RBM19: variants seen among roughly 807,000 people sequenced by gnomAD.
RBM19 encodes RNA binding motif protein 19, also known as probable RNA-binding protein 19.
A neutral mutation model predicts 116.8 loss-of-function variants in RBM19; 94 were observed. That is an observed-to-expected ratio of 0.80 (90% confidence interval 0.68 to 0.95). The LOEUF (loss-of-function observed/expected upper bound fraction) is 0.95. Ranked by LOEUF, RBM19 falls within the 40% of genes least tolerant of loss-of-function variation. The probability of loss-of-function intolerance (pLI) is 0.00; values close to 1 mark genes in which losing one functional copy is unlikely to be tolerated. For missense variants in RBM19, 1,161 were observed against 1,220.7 expected (o/e 0.95, Z 0.73); for synonymous variants, 475 against 494.1 (o/e 0.96, Z 0.51).
intron 21 of RBM19, among the ~76,000 whole-genome samples, chr12:113,887,783 C>T (rs1314963782): frequency 4.6e-5 from 7 of 151,674 alleles, no homozygotes; most frequent in African/African-American, 7.3e-5. Context: ...GCAAATGGTG[C>T]GATCTCAGCT....
At chr12:113,918,799 T>C (rs1882937894) in intron 19 of RBM19, among the ~76,000 whole-genome samples, 1 of 152,274 alleles carries the variant, frequency 6.6e-6, no homozygotes. Flanking sequence ...GTTTAGTTTG[T>C]ATGTTCCTGA....
chr12:113,959,843 T>A (rs370295643), intron 4 of RBM19, 22 bp downstream of exon 4: 21 of 1,613,786 alleles, frequency 1.3e-5, no homozygotes, highest in Admixed American at 3.3e-5. Flanking sequence ...TCTCTCCTCC[T>A]TGGGCAACAG....
downstream of RBM19, among the ~76,000 whole-genome samples, chr12:113,821,833 G>C (rs889277319): frequency 2.0e-5 from 3 of 152,190 alleles, no homozygotes; most frequent in Non-Finnish European, 4.4e-5. Flanking sequence ...ATGGCTAAGG[G>C]GGTGCCTGCC....
chr12:113,828,960 C>T (rs948220396), intron 23 of RBM19, among the ~76,000 whole-genome samples: 5 of 152,050 alleles, frequency 3.3e-5, no homozygotes, highest in African/African-American at 1.2e-4. Context: ...AAGACCAAGC[C>T]AATGTCCCTT....
downstream of RBM19, among the ~76,000 whole-genome samples, chr12:113,820,794 T>C (rs921744444): frequency 6.6e-6 from 1 of 152,158 alleles, no homozygotes. Context: ...ATATGGCCTC[T>C]AGGCTGCCTC....
In RBM19 at chr12:113,877,139, A is replaced by G. The variant is rs372364142; in HGVS notation, c.2559-18243T>C. Among the ~76,000 whole-genome samples the G allele has an allele frequency of 3.3e-4, 51 of 152,330 alleles. 1 individual carries two copies. The highest frequency in any genetic ancestry group is 1.2e-3 in the African/African-American group (50 of 41,568). ...TCACTCTCTGCAAATCAAGACAGGG[A>G]AGCTTCTCTAGGGTGTGGAGGTGAT... On this transcript the variant is annotated intron_variant, in intron 21 of 23. Coordinates refer to ENST00000261741, the MANE Select transcript of RBM19 (RefSeq NM_016196.4).
chr12:113,842,352 A>G (rs1189190230), intron 23 of RBM19, among the ~76,000 whole-genome samples: 1 of 152,256 alleles, frequency 6.6e-6, no homozygotes, highest in Non-Finnish European at 1.5e-5. Flanking sequence ...TCCCTTACAC[A>G]AACATTTGCC....
intron 23 of RBM19, among the ~76,000 whole-genome samples, chr12:113,837,155 C>T (rs1475179502): frequency 6.6e-6 from 1 of 150,434 alleles, no homozygotes. Context: ...TATACCCATC[C>T]TCCTACTTAA....
intron 19 of RBM19, among the ~76,000 whole-genome samples, chr12:113,919,622 G>A (rs982752023): frequency 6.6e-6 from 1 of 152,172 alleles, no homozygotes; most frequent in African/African-American, 2.4e-5. Context: ...TTGGGATGGT[G>A]CCAATCCCAG....
chr12:113,893,474 A>G lies in RBM19; in HGVS notation c.2558+21495T>C, dbSNP rs536961921. On this transcript the variant is annotated intron_variant, in intron 21 of 23. Coordinates refer to ENST00000261741, the MANE Select transcript of RBM19 (RefSeq NM_016196.4). ...TTTCTTCCCTTGATTGCTGGATGGA[A>G]AAGCATTTCTCCTCGCAGTAACATT... Among the ~76,000 whole-genome samples, 3 of 152,290 alleles carry G rather than the reference A, an allele frequency of 2.0e-5. No individual in the cohort carries two copies. In the South Asian group the frequency reaches 6.2e-4, roughly 32 times the overall value.
chr12:113,960,266 C>A, intron 2 of RBM19, 88 bp from the exon 3 acceptor site: 1 of 1,570,420 alleles, frequency 6.4e-7, no homozygotes, highest in South Asian at 1.1e-5. Flanking sequence ...TCGGGCATTT[C>A]AGACAACTGT....
intron 4 of RBM19, 105 bp downstream of exon 4, chr12:113,959,760 G>A (rs1460214843): frequency 2.5e-5 from 34 of 1,356,736 alleles, no homozygotes; most frequent in East Asian, 9.7e-5. Context: ...CAGCCTCTAC[G>A]GTCTCCTAGC....
At chr12:113,888,535 T>C (rs1259560971) in intron 21 of RBM19, among the ~76,000 whole-genome samples, 3 of 152,328 alleles carry the variant, frequency 2.0e-5, no homozygotes, top group East Asian at 3.9e-4. Context: ...TATATGATTT[T>C]TTTCAAAGCC....
rs1200530426 is a variant in RBM19 at position 113,825,061 on chromosome 12, C to T, written c.2786-1740G>A. Among the ~76,000 whole-genome samples, 1 of 152,216 alleles carries T rather than the reference C, an allele frequency of 6.6e-6. No individual in the cohort carries two copies. The highest frequency in any genetic ancestry group is 6.5e-5 in the Admixed American group (1 of 15,286). On this transcript the variant is annotated intron_variant, in intron 23 of 23. Coordinates refer to ENST00000261741, the MANE Select transcript of RBM19 (RefSeq NM_016196.4). The surrounding 1 kb of genome is among the most constrained non-coding windows in gnomAD (Gnocchi z 5.7). ...ACCCCCTGGCACTTTTTATTACCCA[C>T]ACTGCCGCAGGCCTTTCTTTGTGTG...
chr12:113,930,313 A>G (rs955854073), intron 16 of RBM19, among the ~76,000 whole-genome samples: 4 of 152,210 alleles, frequency 2.6e-5, no homozygotes, highest in Non-Finnish European at 5.9e-5. Context: ...GGGAGCCCAG[A>G]ACCCCTCAGC....
chr12:113,951,574 C>T (rs1871467802), intron 8 of RBM19, among the ~76,000 whole-genome samples: 1 of 151,958 alleles, frequency 6.6e-6, no homozygotes, highest in African/African-American at 2.4e-5. Flanking sequence ...CAAACTGAGG[C>T]TAAGTCCCTT....
In RBM19 at chr12:113,823,267, T is replaced by C. The variant is rs1231748122; in HGVS notation, c.2840A>G (p.Glu947Gly). ...CTCCTCGCTGTCGCTGTCACTGCCT[T>C]CCAGCTGCTCCAGGATCTCGTCCAA... ...VVLDEILEQLEGSDSDSEEQT... is the reference protein window; with the variant it reads ...VVLDEILEQLGGSDSDSEEQT... Residue 947 changes from glutamate (E) to glycine (G), a missense_variant, in exon 24 of 24, where the codon GAA (glutamate) becomes GGA (glycine). By Grantham distance (98) the Glu-to-Gly change is moderately conservative (BLOSUM62 -2). Coordinates refer to ENST00000261741, the MANE Select transcript of RBM19 (RefSeq NM_016196.4). 1 of 1,612,822 alleles carries C rather than the reference T, an allele frequency of 6.2e-7. No individual in the cohort carries two copies. Among genetic ancestry groups the C allele is most frequent in the Admixed American group, 1.7e-5 (1 of 60,000 alleles).
intron 14 of RBM19, among the ~76,000 whole-genome samples, chr12:113,942,084 G>A (rs575127317): frequency 4.3e-4 from 65 of 152,308 alleles, no homozygotes; most frequent in African/African-American, 1.5e-3. Context: ...CGATCTGTGT[G>A]GGGGAACTGT....
chr12:113,921,264 T>G (rs969663638), intron 18 of RBM19, among the ~76,000 whole-genome samples: 3 of 152,194 alleles, frequency 2.0e-5, no homozygotes, highest in Admixed American at 2.0e-4. Flanking sequence ...TGCAAAAATT[T>G]CATCAGAAAC....
Sources: allele counts gnomAD v4.1 joint callset (sites outside exome capture counted in the v4.1 genomes callset), GRCh38; gene constraint gnomAD v4.1.1; non-coding constraint Gnocchi (gnomAD v3.1); transcripts MANE v1.5; gene names NCBI Gene and HGNC (gene_info 2026-07-23, HGNC 2026-07-21).